ZNF780B: variants seen among roughly 807,000 people sequenced by gnomAD.
The protein encoded by ZNF780B is zinc finger protein 780B, also known as zinc finger protein 779.
A neutral mutation model predicts 74.1 loss-of-function variants in ZNF780B; 52 were observed. The ratio of observed to expected loss-of-function variants is 0.70; its 90% CI spans 0.56 to 0.88. The LOEUF (loss-of-function observed/expected upper bound fraction) is 0.88, where lower values mean the gene tolerates loss of function less well. Among genes scored for constraint, ZNF780B ranks in the 40% least tolerant of loss-of-function variants. ZNF780B has a pLI of 0.00. For synonymous variants in ZNF780B, 315 were observed against 324.3 expected (o/e 0.97, Z 0.31); for missense variants, 953 against 1,007.6 (o/e 0.95, Z 0.73).
In ZNF780B at chr19:40,036,354, C is replaced by T. The variant is rs771858089; in HGVS notation, c.505G>A (p.Glu169Lys). ...CCACAACTAAAGTATTTCCCACATT[C>T]CTTACATTCATATGGTTTATGTGTA... is the stretch of plus-strand genomic sequence containing the variant. ...HNTHKPYECK[E>K]CGKYFSCGSN... The change falls in exon 5 of 5, where the codon GAA becomes AAA. Residue 169 changes from glutamate (E) to lysine (K), a missense_variant. Glu to Lys is a moderately conservative substitution (Grantham distance 56). Coordinates refer to ENST00000434248, the MANE Select transcript of ZNF780B (RefSeq NM_001005851.3). 15 of 1,613,738 alleles carry T rather than the reference C, an allele frequency of 9.3e-6. No homozygotes were observed. The highest frequency in any genetic ancestry group is 1.3e-5 in the Non-Finnish European group (15 of 1,179,890).
intron 4 of ZNF780B, among the ~76,000 whole-genome samples, chr19:40,043,790 C>T (rs1200446822): frequency 1.3e-5 from 2 of 152,234 alleles, no homozygotes; most frequent in Non-Finnish European, 2.9e-5. Context: ...ACCCGATTTT[C>T]CAGGTGCCAT....
intron 4 of ZNF780B, among the ~76,000 whole-genome samples, chr19:40,043,334 GGGTT>G: frequency 6.6e-6 from 1 of 152,222 alleles, no homozygotes; most frequent in Non-Finnish European, 1.5e-5. Context: ...CCCCTACTGG[GGGTT>G]GCCTCCCAGT....
At chr19:40,054,713 GCTCT>G (rs1973403027) in intron 1 of ZNF780B, among the ~76,000 whole-genome samples, 1 of 152,188 alleles carries the variant, frequency 6.6e-6, no homozygotes, top group Non-Finnish European at 1.5e-5. Flanking sequence ...GCCTAGCACT[GCTCT>G]AAGAGGTTTT....
At chr19:40,055,154 C>T (rs961563734) in intron 1 of ZNF780B, among the ~76,000 whole-genome samples, 20 of 152,150 alleles carry the variant, frequency 1.3e-4, no homozygotes, top group African/African-American at 4.6e-4. Context: ...TTAATATAAA[C>T]CTCTGGAGGA....
At chr19:40,041,670 T>C (rs1972646478) in intron 4 of ZNF780B, among the ~76,000 whole-genome samples, 1 of 152,210 alleles carries the variant, frequency 6.6e-6, no homozygotes, top group East Asian at 1.9e-4. Context: ...ATGGCCTTCT[T>C]TGTCTCTTTT....
intron 2 of ZNF780B, chr19:40,049,060 G>GAAA: frequency 3.1e-5 from 8 of 258,952 alleles, no homozygotes; most frequent in South Asian, 1.2e-4. Context: ...GCACTCCCTG[G>GAAA]AAAAAAAAAA....
chr19:40,047,528 C>A, intron 3 of ZNF780B, 58 bp from the exon 4 acceptor site: 3 of 1,181,822 alleles, frequency 2.5e-6, no homozygotes, highest in Non-Finnish European at 3.5e-6. Context: ...TTTTTTAAAC[C>A]CTGAGACCTA....
intron 1 of ZNF780B, among the ~76,000 whole-genome samples, chr19:40,053,708 T>C (rs955811173): frequency 7.2e-5 from 11 of 152,278 alleles, no homozygotes; most frequent in African/African-American, 2.6e-4. Flanking sequence ...TATGCAGGTA[T>C]ATATACACAA....
At chr19:40,038,921 TC>T (rs1458969458) in intron 4 of ZNF780B, among the ~76,000 whole-genome samples, 1 of 151,832 alleles carries the variant, frequency 6.6e-6, no homozygotes, top group Non-Finnish European at 1.5e-5. Context: ...TTTAATTAGA[TC>T]CCATTTGTCA....
Position 40,048,774 on chromosome 19 carries a change from A to G in ZNF780B, c.32T>C (p.Val11Ala), listed in dbSNP as rs750420830. The part of the protein sequence containing the change: MVHGSVTFRD[V>A]AIDFSQEEWE... ...CTCCTCCTGAGAGAAGTCAATGGCCACATCCCTGAATGTCACTGATCCCTG... is the reference window on the plus strand; with the variant it reads ...CTCCTCCTGAGAGAAGTCAATGGCCGCATCCCTGAATGTCACTGATCCCTG... The change falls in exon 3 of 5, where the codon GTG (valine) becomes GCG (alanine). Residue 11 changes from valine (V) to alanine (A), a missense_variant. Coordinates refer to ENST00000434248, the MANE Select transcript of ZNF780B (RefSeq NM_001005851.3). The G allele has an allele frequency of 1.2e-6, 2 of 1,614,206 alleles. No individual in the cohort carries two copies. The highest frequency in any genetic ancestry group is 1.3e-5 in the African/African-American group (1 of 75,058).
chr19:40,029,805 T>TA lies in ZNF780B; in HGVS notation c.*4551dup, dbSNP rs1227658000. 1 of 152,042 alleles carries TA rather than the reference T, an allele frequency of 6.6e-6. No individual in the cohort carries two copies. The highest frequency in any genetic ancestry group is 1.5e-5 in the Non-Finnish European group (1 of 68,010). 9.4% of individuals were successfully genotyped at this position (152,042 alleles called of 1,614,324 possible). The stretch of plus-strand genomic sequence containing the variant: ...ACAGGGTCAGTCTTAAACATCCTCT[T>TA]ACGGCCTGAAAACAATATTCCTTTA... On this transcript the variant is annotated 3_prime_UTR_variant, in exon 5 of 5. Coordinates refer to ENST00000434248, the MANE Select transcript of ZNF780B (RefSeq NM_001005851.3).
rs145412055 is a variant in ZNF780B at position 40,034,779 on chromosome 19, C to T, written c.2080G>A (p.Ala694Thr). ...LIQHQKTHSS[A>T]KPFVCKECRK... ...CACTCCTTACATACAAAGGGTTTCG[C>T]ACTGGAATGAGTTTTCTGATGCTGA... is the stretch of plus-strand genomic sequence containing the variant. Residue 694 changes from alanine to threonine, a missense_variant, in exon 5 of 5, where the codon GCG (alanine) becomes ACG (threonine). Ala to Thr is a moderately conservative substitution (Grantham distance 58). Transcript: ENST00000434248. The T allele has an allele frequency of 7.4e-6, 12 of 1,613,754 alleles. No individual in the cohort carries two copies. The highest frequency in any genetic ancestry group is 1.3e-5 in the African/African-American group (1 of 74,906).
chr19:40,039,630 C>T (rs1972532382), intron 4 of ZNF780B, among the ~76,000 whole-genome samples: 1 of 152,048 alleles, frequency 6.6e-6, no homozygotes, highest in Admixed American at 6.6e-5. Flanking sequence ...TCCTTCACAT[C>T]CCTTGTAAGT....
In ZNF780B at chr19:40,034,703, T is replaced by C. The variant is rs1281491762; in HGVS notation, c.2156A>G (p.His719Arg). 1.2e-6 allele frequency: 2 copies of C among 1,614,010 alleles called. No homozygotes were observed. Among genetic ancestry groups the C allele is most frequent in the Non-Finnish European group, 1.7e-6 (2 of 1,180,012 alleles). ...HYQLTEHYRIHTGEKPFECKE... is the reference protein window; with the variant it reads ...HYQLTEHYRIRTGEKPFECKE... ...ACATTCAAAGGGTTTCTCACCAGTATGAATTCGGTAATGTTCAGTAAGCTG... is the reference window on the plus strand; with the variant it reads ...ACATTCAAAGGGTTTCTCACCAGTACGAATTCGGTAATGTTCAGTAAGCTG... The change falls in exon 5 of 5, where the codon CAT (histidine) becomes CGT (arginine). Residue 719 changes from histidine (H) to arginine (R), a missense_variant. Coordinates refer to ENST00000434248, the MANE Select transcript of ZNF780B (RefSeq NM_001005851.3).
At chr19:40,043,559 C>A (rs930768574) in intron 4 of ZNF780B, among the ~76,000 whole-genome samples, 8 of 152,256 alleles carry the variant, frequency 5.3e-5, no homozygotes, top group Non-Finnish European at 1.0e-4. Flanking sequence ...GGGCTCCACC[C>A]AGTTTGAGCT....
chr19:40,050,282 T>C (rs370582025), intron 2 of ZNF780B, 42 bp downstream of exon 2: 36 of 1,587,076 alleles, frequency 2.3e-5, no homozygotes, highest in Non-Finnish European at 2.9e-5. Context: ...TAACCTAACC[T>C]GAAAGTCACC....
intron 2 of ZNF780B, 140 bp from the exon 3 acceptor site, chr19:40,048,936 G>C (rs1973073751): frequency 1.5e-6 from 2 of 1,347,708 alleles, no homozygotes; most frequent in African/African-American, 1.5e-5. Context: ...CAAGAATCCT[G>C]CTGCTGGCCT....
rs369927454 is a variant in ZNF780B, at chr19:40,035,068, A to G, written c.1791T>C (p.His597=). Residue 597 remains histidine (H), a synonymous_variant, in exon 5 of 5, where the codon CAT becomes CAC. Transcript: ENST00000434248. The part of the protein sequence containing the change: ...CKECGKAFRL[H]MHLIRHQKFH... ...ATTTCTGATGTCGAATAAGGTGCAT[A>G]TGAAGTCGAAAGGCTTTCCCACATT... 3.6e-5 allele frequency: 58 copies of G among 1,613,792 alleles called. No individual in the cohort carries two copies. Among genetic ancestry groups the G allele is most frequent in the Admixed American group, 1.3e-4 (8 of 59,982 alleles).
At chr19:40,048,475 G>A (rs1973046308) in intron 3 of ZNF780B, among the ~76,000 whole-genome samples, 195 bp downstream of exon 3, 2 of 152,188 alleles carry the variant, frequency 1.3e-5, no homozygotes, top group South Asian at 2.1e-4. Flanking sequence ...TAATGGAGGA[G>A]GCCCTGGTGC....
Sources: allele counts gnomAD v4.1 joint callset (sites outside exome capture counted in the v4.1 genomes callset), GRCh38; gene constraint gnomAD v4.1.1; transcripts MANE v1.5; gene names NCBI Gene and HGNC (gene_info 2026-07-23, HGNC 2026-07-21).